GOLPH3: variants seen among roughly 807,000 people sequenced by gnomAD.
GOLPH3 encodes golgi phosphoprotein 3.
GOLPH3 carries 14 observed loss-of-function variants against 28.5 expected under a neutral mutation model. The ratio of observed to expected loss-of-function variants is 0.49; its 90% CI spans 0.32 to 0.77. The LOEUF is 0.77. Ranked by LOEUF, GOLPH3 falls within the 30% of genes least tolerant of loss-of-function variation. GOLPH3 has a pLI of 0.03. For synonymous variants in GOLPH3, 158 were observed against 159.2 expected, an observed-to-expected ratio of 0.99 and a Z score of 0.06; for missense variants, 350 against 393.7, an observed-to-expected ratio of 0.89 and a Z score of 0.94.
rs1428707917 is a variant in GOLPH3 at position 32,173,691 on chromosome 5, C to T, written c.225+119G>A. On this transcript the variant is annotated intron_variant, in intron 1 of 3. Transcript: ENST00000265070. Reference sequence around the variant, plus strand: ...GCTGGGCGCCACCAGGCGCGGACTTCGGAGCGAGGGCAGGTGCGCGGGCCG... The same window carrying T: ...GCTGGGCGCCACCAGGCGCGGACTTTGGAGCGAGGGCAGGTGCGCGGGCCG... 47 of 663,364 alleles carry T rather than the reference C, an allele frequency of 7.1e-5. 1 individual carries two copies. In the East Asian group the frequency reaches 1.8e-3, roughly 25 times the overall value. 41.1% of individuals were successfully genotyped at this position (663,364 alleles called of 1,614,324 possible). A position where few individuals can be genotyped will look rare whatever the true frequency, so the allele number is the denominator to read the frequency against.
intron 1 of GOLPH3, among the ~76,000 whole-genome samples, chr5:32,158,331 TC>T (rs1401853705): frequency 6.6e-6 from 1 of 152,046 alleles, no homozygotes; most frequent in Non-Finnish European, 1.5e-5. Context: ...ACATACCCAC[TC>T]TTTTGTCTCG....
intron 2 of GOLPH3, among the ~76,000 whole-genome samples, chr5:32,138,633 A>G (rs1745990996): frequency 6.6e-6 from 1 of 152,236 alleles, no homozygotes; most frequent in African/African-American, 2.4e-5. Flanking sequence ...ATTAACATGT[A>G]ATAAGTATTT....
At chr5:32,170,505 C>T (rs1000835418) in intron 1 of GOLPH3, among the ~76,000 whole-genome samples, 1 of 152,160 alleles carries the variant, frequency 6.6e-6, no homozygotes, top group East Asian at 1.9e-4. Flanking sequence ...TCAGTTAAAG[C>T]AATGAGTTAG....
intron 1 of GOLPH3, among the ~76,000 whole-genome samples, chr5:32,164,923 A>C (rs1746676279): frequency 1.9e-5 from 2 of 105,460 alleles, no homozygotes; most frequent in Admixed American, 2.0e-4. Flanking sequence ...TTTTTTTGAG[A>C]TAGTCTTGCT....
intron 1 of GOLPH3, 48 bp downstream of exon 1, chr5:32,173,762 G>A: frequency 7.9e-7 from 1 of 1,272,848 alleles, no homozygotes; most frequent in Non-Finnish European, 9.9e-7. Flanking sequence ...CTCACCTGGC[G>A]CCCGGGCCCC....
Position 32,143,896 on chromosome 5 carries a change from G to T in GOLPH3, c.226-16C>A. On this transcript the variant is annotated splice_polypyrimidine_tract_variant and intron_variant, in intron 1 of 3. Coordinates refer to ENST00000265070, the MANE Select transcript of GOLPH3 (RefSeq NM_022130.4). ...ATGTGTAACCCTATTAAAAAAAGAAGAAGAAATAAAACAAAATAGCTAATT... is the reference window on the plus strand; with the variant it reads ...ATGTGTAACCCTATTAAAAAAAGAATAAGAAATAAAACAAAATAGCTAATT... 1 of 1,477,636 alleles carries T rather than the reference G, an allele frequency of 6.8e-7. No individual in the cohort carries two copies. Among genetic ancestry groups the T allele is most frequent in the Non-Finnish European group, 9.0e-7 (1 of 1,112,388 alleles). 91.5% of individuals were successfully genotyped at this position (1,477,636 alleles called of 1,614,324 possible). A position where few individuals can be genotyped will look rare whatever the true frequency, so the allele number is the denominator to read the frequency against.
chr5:32,162,905 C>G (rs1004087661), intron 1 of GOLPH3, among the ~76,000 whole-genome samples: 2 of 152,124 alleles, frequency 1.3e-5, no homozygotes, highest in Non-Finnish European at 2.9e-5. Context: ...AGTGAAACCC[C>G]GTCTCTACCA....
intron 1 of GOLPH3, among the ~76,000 whole-genome samples, chr5:32,156,212 T>C (rs1035281535): frequency 4.0e-5 from 6 of 151,790 alleles, no homozygotes; most frequent in South Asian, 2.1e-4. Flanking sequence ...AAATTCCTGT[T>C]GTTAGCTGGG....
chr5:32,156,044 A>G (rs550777563), intron 1 of GOLPH3, among the ~76,000 whole-genome samples: 261 of 149,770 alleles, frequency 1.7e-3, no homozygotes, highest in African/African-American at 6.0e-3. Context: ...TCATGAAGGC[A>G]GAAGCCTCAT....
intron 1 of GOLPH3, among the ~76,000 whole-genome samples, chr5:32,146,417 C>T (rs536126839): frequency 4.6e-5 from 7 of 152,246 alleles, no homozygotes; most frequent in Non-Finnish European, 1.0e-4. Flanking sequence ...AGAGACACCC[C>T]AAGTAGGCTG....
chr5:32,128,235 G>C (rs1055495375), intron 3 of GOLPH3, among the ~76,000 whole-genome samples: 2 of 152,190 alleles, frequency 1.3e-5, no homozygotes, highest in African/African-American at 4.8e-5. Context: ...AAATGTGATT[G>C]CCAACTAGCC....
chr5:32,169,332 C>G (rs1746782124), intron 1 of GOLPH3, among the ~76,000 whole-genome samples: 1 of 152,084 alleles, frequency 6.6e-6, no homozygotes, highest in Middle Eastern at 3.4e-3. Flanking sequence ...CAAAATAAAG[C>G]GAAGACCTGG....
At chr5:32,157,566 G>C (rs549455319) in intron 1 of GOLPH3, among the ~76,000 whole-genome samples, 14 of 152,200 alleles carry the variant, frequency 9.2e-5, no homozygotes, top group Admixed American at 9.2e-4. Context: ...CTCCAGCCCC[G>C]GATCAATCCA....
chr5:32,140,184 G>A (rs544678316), intron 2 of GOLPH3, among the ~76,000 whole-genome samples: 1 of 151,030 alleles, frequency 6.6e-6, no homozygotes, highest in African/African-American at 2.4e-5. Context: ...AATGCTTCTA[G>A]AGGAAAAAAA....
intron 1 of GOLPH3, among the ~76,000 whole-genome samples, chr5:32,153,104 T>C (rs944338266): frequency 2.0e-5 from 3 of 152,188 alleles, no homozygotes; most frequent in African/African-American, 7.2e-5. Flanking sequence ...TGGATGAATA[T>C]ACAAAGATAT....
intron 1 of GOLPH3, among the ~76,000 whole-genome samples, chr5:32,168,916 G>A (rs971722977): frequency 1.3e-5 from 2 of 149,816 alleles, no homozygotes; most frequent in Admixed American, 1.3e-4. Flanking sequence ...CTATGATCTC[G>A]CCACTGTACT....
chr5:32,165,576 C>T (rs958897847), intron 1 of GOLPH3, among the ~76,000 whole-genome samples: 1 of 151,790 alleles, frequency 6.6e-6, no homozygotes, highest in African/African-American at 2.4e-5. Context: ...GAGCAAGACT[C>T]TGTCTCAGAA....
In GOLPH3 at chr5:32,151,287, G is replaced by A. The variant is rs146642211; in HGVS notation, c.226-7407C>T. Among the ~76,000 whole-genome samples the A allele has an allele frequency of 1.1e-3, 163 of 151,876 alleles. 1 individual carries two copies. The highest frequency in any genetic ancestry group is 3.7e-3 in the African/African-American group (155 of 41,376). ...TACACCCGTAATCCCAGCACTTTGG[G>A]AGGCAAAGGCAGGGGGATCACCTAG... On this transcript the variant is annotated intron_variant, in intron 1 of 3. Coordinates refer to ENST00000265070, the MANE Select transcript of GOLPH3 (RefSeq NM_022130.4).
intron 1 of GOLPH3, among the ~76,000 whole-genome samples, chr5:32,157,776 G>T (rs1746462738): frequency 6.6e-6 from 1 of 151,970 alleles, no homozygotes; most frequent in South Asian, 2.1e-4. Flanking sequence ...CAGCAGATTT[G>T]AGACCAGCCT....
Sources: allele counts gnomAD v4.1 joint callset (sites outside exome capture counted in the v4.1 genomes callset), GRCh38; gene constraint gnomAD v4.1.1; transcripts MANE v1.5; gene names NCBI Gene and HGNC (gene_info 2026-07-23, HGNC 2026-07-21).